CNTNAP2: variants seen among roughly 807,000 people sequenced by gnomAD.
CNTNAP2 encodes contactin-associated protein-like 2.
In CNTNAP2, 98 loss-of-function variants were observed where a neutral mutation model predicts 155.2. The ratio of observed to expected loss-of-function variants is 0.63; its 90% CI spans 0.54 to 0.75. The LOEUF (loss-of-function observed/expected upper bound fraction) is 0.75, where lower values mean the gene tolerates loss of function less well. CNTNAP2 is among the 30% of genes least tolerant of loss of function. The pLI is 0.00. For missense variants in CNTNAP2, 1,727 were observed against 1,688.1 expected, an observed-to-expected ratio of 1.02 and a Z score of -0.40; for synonymous variants, 651 against 631.2, an observed-to-expected ratio of 1.03 and a Z score of -0.47.
chr7:146,567,136 T>C (rs1798369579), intron 1 of CNTNAP2, among the ~76,000 whole-genome samples: 1 of 152,170 alleles, frequency 6.6e-6, no homozygotes, highest in Non-Finnish European at 1.5e-5. Flanking sequence ...CTGCCACCCT[T>C]CTGTAATAAA....
At chr7:147,225,024 G>A (rs936530056) in intron 8 of CNTNAP2, among the ~76,000 whole-genome samples, 18 of 152,100 alleles carry the variant, frequency 1.2e-4, no homozygotes, top group South Asian at 2.1e-4. Flanking sequence ...TGAGCACAGC[G>A]TAGAACATTT....
At chr7:147,454,746 A>G (rs938721276) in intron 10 of CNTNAP2, among the ~76,000 whole-genome samples, 1 of 151,536 alleles carries the variant, frequency 6.6e-6, no homozygotes, top group Non-Finnish European at 1.5e-5. Flanking sequence ...TTTTTCTGAC[A>G]TGAGTAAAGT....
At chr7:147,072,977 C>T (rs375636134) in intron 4 of CNTNAP2, among the ~76,000 whole-genome samples, 1 of 150,546 alleles carries the variant, frequency 6.6e-6, no homozygotes, top group Non-Finnish European at 1.5e-5. Flanking sequence ...CTCAGCCTCC[C>T]AAGTAGCTGG....
chr7:147,230,851 T>C (rs932556780), intron 8 of CNTNAP2, among the ~76,000 whole-genome samples: 1 of 152,194 alleles, frequency 6.6e-6, no homozygotes, highest in Non-Finnish European at 1.5e-5. Flanking sequence ...TCCTTCTGTG[T>C]CTGGCTCATT....
At chr7:146,136,683 C>CT (rs1797802606) in intron 1 of CNTNAP2, among the ~76,000 whole-genome samples, 3 of 66 alleles carry the variant, frequency 0.045, no homozygotes, top group Admixed American at 0.33. Context: ...GTAGGTGGGG[C>CT]CCCTAAGAAC....
chr7:146,469,393 T>A (rs1796761296), intron 1 of CNTNAP2, among the ~76,000 whole-genome samples: 1 of 150,224 alleles, frequency 6.7e-6, no homozygotes, highest in South Asian at 2.1e-4. Flanking sequence ...AAAAAAAAAA[T>A]AGTGCCACTG....
intron 9 of CNTNAP2, among the ~76,000 whole-genome samples, chr7:147,306,260 C>G (rs1387807302): frequency 6.6e-6 from 1 of 152,152 alleles, no homozygotes; most frequent in East Asian, 1.9e-4. Context: ...TTTATATTAT[C>G]TATTCTCAAA....
chr7:147,713,061 C>G (rs1313115523), intron 13 of CNTNAP2, among the ~76,000 whole-genome samples: 1 of 152,116 alleles, frequency 6.6e-6, no homozygotes, highest in African/African-American at 2.4e-5. Flanking sequence ...CATGCTAGTA[C>G]ACGTGATTCT....
chr7:147,922,161 T>C (rs957983828), intron 14 of CNTNAP2, among the ~76,000 whole-genome samples: 1 of 152,236 alleles, frequency 6.6e-6, no homozygotes, highest in Non-Finnish European at 1.5e-5. Flanking sequence ...ATTACAAATA[T>C]CGAAAGGAAA....
At position 148,309,886 on chromosome 7, in the gene CNTNAP2, G is replaced by A. The variant is rs137877819; in HGVS notation, c.3475+42760G>A. Among the ~76,000 whole-genome samples, 376 of 152,154 alleles carry A rather than the reference G, an allele frequency of 2.5e-3. 4 individuals carry two copies. The highest frequency in any genetic ancestry group is 0.018 in the East Asian group (94 of 5,160). ...TGAAATAGTGGTAAAGTGTTGGGAC[G>A]GCAAAAATTTTGGGGGGTGGTATGG... On this transcript the variant is annotated intron_variant, in intron 21 of 23. Transcript: ENST00000361727.
intron 14 of CNTNAP2, among the ~76,000 whole-genome samples, chr7:147,958,785 C>T: frequency 6.6e-6 from 1 of 152,128 alleles, no homozygotes; most frequent in East Asian, 1.9e-4. Flanking sequence ...ACTGAAATTG[C>T]TATTTTTGTC....
rs1224851301 is a variant in CNTNAP2 at position 148,384,726 on chromosome 7, A to G, written c.3715+838A>G. ...GCTAAAAAGAGGAAGAAGATGAGGCAGGAAGCAACAGCTAGGAGGCCTGGA... is the reference window on the plus strand; with the variant it reads ...GCTAAAAAGAGGAAGAAGATGAGGCGGGAAGCAACAGCTAGGAGGCCTGGA... On this transcript the variant is annotated intron_variant, in intron 22 of 23. Coordinates refer to ENST00000361727, the MANE Select transcript of CNTNAP2 (RefSeq NM_014141.6). 5.9e-5 allele frequency among the ~76,000 whole-genome samples: 9 copies of G among 152,330 alleles called. No homozygotes were observed. The East Asian group carries it at 1.5e-3, about 26-fold the overall frequency.
At chr7:147,369,071 A>T (rs13233234) in intron 9 of CNTNAP2, among the ~76,000 whole-genome samples, 26,242 of 152,244 alleles carry the variant, frequency 0.17, 2,853 homozygotes, top group Non-Finnish European at 0.24. Context: ...GGTCTATACA[A>T]CGGAAAAAAG....
intron 8 of CNTNAP2, among the ~76,000 whole-genome samples, chr7:147,193,307 T>C (rs1802718390): frequency 6.6e-6 from 1 of 152,214 alleles, no homozygotes; most frequent in Non-Finnish European, 1.5e-5. Flanking sequence ...ATGAGCTGGA[T>C]TTCCAACCAA....
chr7:146,980,676 G>A (rs1361736735), intron 3 of CNTNAP2, among the ~76,000 whole-genome samples: 4 of 152,104 alleles, frequency 2.6e-5, no homozygotes, highest in Non-Finnish European at 1.5e-5. Context: ...GGTGGGAGGT[G>A]CCATGCTCTT....
chr7:147,585,087 A>G lies in CNTNAP2; in HGVS notation c.1897+22830A>G, dbSNP rs139849014. 3.6e-3 allele frequency among the ~76,000 whole-genome samples: 541 copies of G among 152,294 alleles called. 5 individuals are homozygous for G. Among genetic ancestry groups the G allele is most frequent in the African/African-American group, 0.012 (505 of 41,560 alleles). ...GTCTGCACTTTCCTATTTGACAGAA[A>G]CAGCTTCATAAAAGCAGTTCCCATA... On this transcript the variant is annotated intron_variant, in intron 12 of 23. Transcript: ENST00000361727.
chr7:147,627,918 A>G (rs1795016824), intron 12 of CNTNAP2, among the ~76,000 whole-genome samples: 1 of 146,818 alleles, frequency 6.8e-6, no homozygotes, highest in Admixed American at 7.1e-5. Flanking sequence ...AATTAAGCCA[A>G]TCAGACAAAG....
chr7:146,241,610 T>G (rs991237840), intron 1 of CNTNAP2, among the ~76,000 whole-genome samples: 1 of 109,610 alleles, frequency 9.1e-6, no homozygotes, highest in Non-Finnish European at 1.9e-5. Flanking sequence ...AATGTGACAT[T>G]TTTTTTAGAA....
chr7:147,182,346 A>AT (rs949158217), intron 8 of CNTNAP2, among the ~76,000 whole-genome samples: 1 of 151,908 alleles, frequency 6.6e-6, no homozygotes, highest in African/African-American at 2.4e-5. Context: ...TTAATTTGTT[A>AT]TTTTTTAAAT....
Sources: allele counts gnomAD v4.1 joint callset (sites outside exome capture counted in the v4.1 genomes callset), GRCh38; gene constraint gnomAD v4.1.1; transcripts MANE v1.5; gene names NCBI Gene and HGNC (gene_info 2026-07-23, HGNC 2026-07-21).